The following SPATA31E1 variants were observed in gnomAD, a reference collection of about 807,000 sequenced individuals.
The protein encoded by SPATA31E1 is spermatogenesis-associated protein 31E1.
A neutral mutation model predicts 12.9 loss-of-function variants in SPATA31E1; 7 were observed. The observed-to-expected ratio is 0.54, with a 90% confidence interval of 0.31 to 1.02. SPATA31E1 has a LOEUF of 1.02. Among genes scored for constraint, SPATA31E1 ranks in the 50% least tolerant of loss-of-function variants. The pLI is 0.05. For synonymous variants in SPATA31E1, 771 were observed against 719.0 expected, an observed-to-expected ratio of 1.07 and a Z score of -1.16; for missense variants, 1,961 against 1,799.8, an observed-to-expected ratio of 1.09 and a Z score of -1.62.
Position 87,885,472 on chromosome 9 carries a change from C to A in SPATA31E1, c.985C>A (p.Arg329=). The change falls in exon 4 of 4, where the codon CGG becomes AGG. Residue 329 remains arginine, a synonymous_variant. Coordinates refer to ENST00000325643, the MANE Select transcript of SPATA31E1 (RefSeq NM_178828.5). The stretch of plus-strand genomic sequence containing the variant: ...CTACTCACATGGCAAATCCCAGCCA[C>A]GGCATCTTCCCGACCACACCTCAGA... ...STYSHGKSQP[R]HLPDHTSEAS... The A allele has an allele frequency of 1.2e-6, 2 of 1,614,014 alleles. No individual in the cohort carries two copies. The highest frequency in any genetic ancestry group is 1.7e-6 in the Non-Finnish European group (2 of 1,179,914).
Position 87,885,517 on chromosome 9 carries a change from C to T in SPATA31E1, c.1030C>T (p.Pro344Ser), listed in dbSNP as rs756300220. 4 of 1,614,154 alleles carry T rather than the reference C, an allele frequency of 2.5e-6. No individual in the cohort carries two copies. Among genetic ancestry groups the T allele is most frequent in the East Asian group, 2.2e-5 (1 of 44,862 alleles). Residue 344 changes from proline (P) to serine (S), a missense_variant, in exon 4 of 4, where the codon CCC becomes TCC. Physicochemically the swap from Pro to Ser is moderately conservative, Grantham distance 74. Transcript: ENST00000325643. The part of the protein sequence containing the change: ...HTSEASFWGD[P>S]TPKHMEVGGC... Reference sequence around the variant, plus strand: ...CTCAGAGGCTTCCTTCTGGGGAGACCCCACACCCAAGCACATGGAGGTAGG... The same window carrying T: ...CTCAGAGGCTTCCTTCTGGGGAGACTCCACACCCAAGCACATGGAGGTAGG...
chr9:87,885,820 T>C lies in SPATA31E1; in HGVS notation c.1333T>C (p.Ser445Pro), dbSNP rs752364752. 2.5e-5 allele frequency: 40 copies of C among 1,613,754 alleles called. 1 individual carries two copies. In the South Asian group the frequency reaches 3.0e-4, roughly 12 times the overall value. The stretch of plus-strand genomic sequence containing the variant: ...CAGCCAGCTTTTCTGGGACCTCCCC[T>C]CTCTCAATAGCGAGTCCCTGGCGAC... ...KRSQLFWDLP[S>P]LNSESLATTV... The change falls in exon 4 of 4, where the codon TCT becomes CCT. Residue 445 changes from serine to proline, a missense_variant. Physicochemically the swap from Ser to Pro is moderately conservative, Grantham distance 74. Transcript: ENST00000325643.
In SPATA31E1 at chr9:87,888,895, C is replaced by T; in HGVS notation, c.*70C>T. 7.1e-7 allele frequency: 1 copy of T among 1,416,808 alleles called. No homozygotes were observed. Among genetic ancestry groups the T allele is most frequent in the Non-Finnish European group, 9.3e-7 (1 of 1,069,874 alleles). The allele number at this position is 1,416,808 out of a possible 1,614,324, so 87.8% of individuals were successfully genotyped here. A position where few individuals can be genotyped will look rare whatever the true frequency, so the allele number is the denominator to read the frequency against. On this transcript the variant is annotated 3_prime_UTR_variant, in exon 4 of 4. Transcript: ENST00000325643. ...TCTACTCAAATAAAACTGATGCCTACACAATAAACCTGTCCTGCGTGGGTG... is the reference window on the plus strand; with the variant it reads ...TCTACTCAAATAAAACTGATGCCTATACAATAAACCTGTCCTGCGTGGGTG...
At position 87,888,177 on chromosome 9, in the gene SPATA31E1, G is replaced by T. The variant is rs577498872; in HGVS notation, c.3690G>T (p.Arg1230Ser). 1 of 1,613,272 alleles carries T rather than the reference G, an allele frequency of 6.2e-7. No homozygotes were observed. The change falls in exon 4 of 4, where the codon AGG (arginine) becomes AGT (serine). Residue 1230 changes from arginine to serine, a missense_variant. By Grantham distance (110) the Arg-to-Ser change is moderately radical. Coordinates refer to ENST00000325643, the MANE Select transcript of SPATA31E1 (RefSeq NM_178828.5). Reference protein sequence around the residue: ...KGPRTSEASGRSHPAQAREIG... With the variant: ...KGPRTSEASGSSHPAQAREIG... ...CCAGGACCTCTGAAGCCAGTGGGAG[G>T]AGCCACCCTGCCCAAGCCAGGGAAA...
rs561387061 is a variant in SPATA31E1 at position 87,886,207 on chromosome 9, C to G, written c.1720C>G (p.Arg574Gly). The G allele has an allele frequency of 3.5e-5, 56 of 1,613,036 alleles. No individual in the cohort carries two copies. The East Asian group carries it at 1.2e-3, about 35-fold the overall frequency. ...KEYLEWPLKKRPKWKRVLPSL... is the reference protein window; with the variant it reads ...KEYLEWPLKKGPKWKRVLPSL... ...GTATCTTGAATGGCCCTTGAAGAAGCGACCAAAGTGGAAGAGGGTTTTGCC... is the reference window on the plus strand; with the variant it reads ...GTATCTTGAATGGCCCTTGAAGAAGGGACCAAAGTGGAAGAGGGTTTTGCC... The change falls in exon 4 of 4, where the codon CGA becomes GGA. Residue 574 changes from arginine to glycine, a missense_variant. Transcript: ENST00000325643.
chr9:87,885,318 G>A lies in SPATA31E1; in HGVS notation c.831G>A (p.Gln277=). 6.2e-7 allele frequency: 1 copy of A among 1,613,812 alleles called. No homozygotes were observed. Among genetic ancestry groups the A allele is most frequent in the East Asian group, 2.2e-5 (1 of 44,840 alleles). ...GCTCCACAACATGCCCCGTCCCCCAGAGCTCCCCTCTACACAACCAGGTGC... is the reference window on the plus strand; with the variant it reads ...GCTCCACAACATGCCCCGTCCCCCAAAGCTCCCCTCTACACAACCAGGTGC... The part of the protein sequence containing the change: ...QCGSTTCPVP[Q]SSPLHNQVLP... The change falls in exon 4 of 4, where the codon CAG becomes CAA. Residue 277 remains glutamine, a synonymous_variant. Coordinates refer to ENST00000325643, the MANE Select transcript of SPATA31E1 (RefSeq NM_178828.5).
chr9:87,887,014 T>C lies in SPATA31E1; in HGVS notation c.2527T>C (p.Cys843Arg). 7 of 1,614,138 alleles carry C rather than the reference T, an allele frequency of 4.3e-6. No individual in the cohort carries two copies. The highest frequency in any genetic ancestry group is 5.9e-6 in the Non-Finnish European group (7 of 1,180,032). The part of the protein sequence containing the change: ...QILEVHLVRF[C>R]VRHSWGTDLQ... ...ACTGGAAGTACATCTTGTAAGGTTC[T>C]GTGTGAGGCACAGCTGGGGTACAGA... Residue 843 changes from cysteine (C) to arginine (R), a missense_variant, in exon 4 of 4, where the codon TGT becomes CGT. By Grantham distance (180) the Cys-to-Arg change is radical. Transcript: ENST00000325643.
Position 87,888,319 on chromosome 9 carries a change from A to T in SPATA31E1, c.3832A>T (p.Lys1278Ter). The change falls in exon 4 of 4, where the codon AAA (lysine) becomes TAA (stop). Residue 1278 changes from lysine to a stop codon, truncating the protein, a stop_gained. Coordinates refer to ENST00000325643, the MANE Select transcript of SPATA31E1 (RefSeq NM_178828.5). LOFTEE classifies it low-confidence loss of function (END_TRUNC). The part of the protein sequence containing the change: ...SHHPQGLHPR[K>*]GGTRWEDVLQ... The stretch of plus-strand genomic sequence containing the variant: ...CCATCCACAGGGTCTACACCCCAGG[A>T]AAGGAGGCACACGGTGGGAAGATGT... The T allele has an allele frequency of 6.2e-7, 1 of 1,614,170 alleles. No homozygotes were observed. Among genetic ancestry groups the T allele is most frequent in the Non-Finnish European group, 8.5e-7 (1 of 1,180,026 alleles).
chr9:87,885,982 C>G lies in SPATA31E1; in HGVS notation c.1495C>G (p.His499Asp), dbSNP rs1395208034. 4 of 1,613,236 alleles carry G rather than the reference C, an allele frequency of 2.5e-6. 1 individual carries two copies. The South Asian group carries it at 4.4e-5, about 18-fold the overall frequency. The stretch of plus-strand genomic sequence containing the variant: ...TTCCCAGGCACCGCCCCAGCCCCAC[C>G]ACATGGCCCAGCCCCAACATTTCAC... Reference protein sequence around the residue: ...QLSQAPPQPHHMAQPQHFTPA... With the variant: ...QLSQAPPQPHDMAQPQHFTPA... Residue 499 changes from histidine to aspartate, a missense_variant, in exon 4 of 4, where the codon CAC becomes GAC. Coordinates refer to ENST00000325643, the MANE Select transcript of SPATA31E1 (RefSeq NM_178828.5).
rs772843926 is a variant in SPATA31E1, at chr9:87,887,613, C to T, written c.3126C>T (p.Pro1042=). 3.7e-6 allele frequency: 6 copies of T among 1,614,000 alleles called. No individual in the cohort carries two copies. In the African/African-American group the frequency reaches 8.0e-5, roughly 22 times the overall value. ...ALQALKVGEK[P]PTWEVTLGAS... is the part of the protein sequence containing the mutation. ...AGGCACTGAAAGTGGGGGAGAAGCC[C>T]CCAACTTGGGAAGTCACCTTGGGAG... Residue 1042 remains proline, a synonymous_variant, in exon 4 of 4, where the codon CCC becomes CCT. Transcript: ENST00000325643.
chr9:87,888,002 G>A lies in SPATA31E1; in HGVS notation c.3515G>A (p.Trp1172Ter). The change falls in exon 4 of 4, where the codon TGG (tryptophan) becomes TAG (stop). Residue 1172 changes from tryptophan (W) to a stop codon, truncating the protein, a stop_gained. Transcript: ENST00000325643. LOFTEE classifies it low-confidence loss of function (END_TRUNC). ...TCCCAGGGGCCATGTGCCCTCCTAT[G>A]GAAGGGAGGGGACAGTCCAGGGCAG... ...TASQGPCALL[W>*]KGGDSPGQQE... The A allele has an allele frequency of 6.2e-7, 1 of 1,613,422 alleles. No individual in the cohort carries two copies.
rs1234166279 is a variant in SPATA31E1, at chr9:87,886,520, C to T, written c.2033C>T (p.Ser678Phe). The T allele has an allele frequency of 6.2e-7, 1 of 1,613,970 alleles. No homozygotes were observed. The highest frequency in any genetic ancestry group is 1.7e-5 in the Admixed American group (1 of 60,006). The change falls in exon 4 of 4, where the codon TCC becomes TTC. Residue 678 changes from serine to phenylalanine, a missense_variant. Transcript: ENST00000325643. ...GACACGCAGCAGGCCCTCTTGCCCT[C>T]CCAGCCTTCTGACTTTGCAGGGAAG... ...AEDTQQALLPSQPSDFAGKGR... is the reference protein window; with the variant it reads ...AEDTQQALLPFQPSDFAGKGR...
At chr9:87,884,676 C>T in intron 3 of SPATA31E1, 25 bp downstream of exon 3, 1 of 1,613,930 alleles carries the variant, frequency 6.2e-7, no homozygotes, top group Non-Finnish European at 8.5e-7. Context: ...CCTTCTGTCC[C>T]TGTCCTCCTT....
rs35487931 is a variant in SPATA31E1 at position 87,886,550 on chromosome 9, G to C, written c.2063G>C (p.Arg688Thr). Reference protein sequence around the residue: ...SQPSDFAGKGRKDVQKTGFRS... With the variant: ...SQPSDFAGKGTKDVQKTGFRS... Reference sequence around the variant, plus strand: ...CCTTCTGACTTTGCAGGGAAGGGCAGGAAGGATGTGCAGAAGACCGGGTTC... The same window carrying C: ...CCTTCTGACTTTGCAGGGAAGGGCACGAAGGATGTGCAGAAGACCGGGTTC... The change falls in exon 4 of 4, where the codon AGG becomes ACG. Residue 688 changes from arginine (R) to threonine (T), a missense_variant. Coordinates refer to ENST00000325643, the MANE Select transcript of SPATA31E1 (RefSeq NM_178828.5). The C allele has an allele frequency of 3.7e-6, 6 of 1,613,948 alleles. No individual in the cohort carries two copies. In the South Asian group the frequency reaches 6.6e-5, roughly 18 times the overall value.
At chr9:87,883,350 T>G (rs1587566402) in intron 1 of SPATA31E1, 150 bp downstream of exon 1, 1 of 1,274,788 alleles carries the variant, frequency 7.8e-7, no homozygotes, top group African/African-American at 1.5e-5. Flanking sequence ...GGGGTGAGAG[T>G]GGGCAGAGGA....
Position 87,886,077 on chromosome 9 carries a change from T to C in SPATA31E1, c.1590T>C (p.Pro530=). ...AGACCCAGGCCCACCTCTCACCCCC[T>C]GTCCCAAGCCTGGGGTGCTCTTCTC... ...EIQTQAHLSP[P]VPSLGCSSPP... Residue 530 remains proline, a synonymous_variant, in exon 4 of 4, where the codon CCT becomes CCC. Transcript: ENST00000325643. 3.1e-6 allele frequency: 5 copies of C among 1,609,290 alleles called. No homozygotes were observed. The highest frequency in any genetic ancestry group is 4.2e-6 in the Non-Finnish European group (5 of 1,176,876).
rs780484019 is a variant in SPATA31E1 at position 87,885,794 on chromosome 9, G to A, written c.1307G>A (p.Arg436His). ...GTGGGGAACCACTTACAGCAGAAACGCAGCCAGCTTTTCTGGGACCTCCCC... is the reference window on the plus strand; with the variant it reads ...GTGGGGAACCACTTACAGCAGAAACACAGCCAGCTTTTCTGGGACCTCCCC... ...TTVGNHLQQK[R>H]SQLFWDLPSL... Residue 436 changes from arginine to histidine, a missense_variant, in exon 4 of 4, where the codon CGC becomes CAC. Physicochemically the swap from Arg to His is conservative, Grantham distance 29. Transcript: ENST00000325643. 4.8e-5 allele frequency: 77 copies of A among 1,613,886 alleles called. 1 individual carries two copies. In the Middle Eastern group the frequency reaches 6.6e-4, roughly 14 times the overall value.
chr9:87,884,192 GC>G, intron 2 of SPATA31E1, 146 bp downstream of exon 2: 1 of 1,101,640 alleles, frequency 9.1e-7, no homozygotes, highest in Non-Finnish European at 1.3e-6. Flanking sequence ...CGGGAATGAA[GC>G]CACGGGCCTG....
In SPATA31E1 at chr9:87,886,226, T is replaced by TCGC; in HGVS notation, c.1739_1740insCGC (p.Val580_Leu581insAla). The TCGC allele has an allele frequency of 6.2e-7, 1 of 1,613,396 alleles. No individual in the cohort carries two copies. Among genetic ancestry groups the TCGC allele is most frequent in the Middle Eastern group, 1.7e-4 (1 of 6,050 alleles). On this transcript the variant is annotated inframe_insertion, in exon 4 of 4. Transcript: ENST00000325643. ...AAGAAGCGACCAAAGTGGAAGAGGG[T>TCGC]TTTGCCCTCTCTCCTCAAAAAGTCT...
Sources: allele counts gnomAD v4.1 joint callset, GRCh38; gene constraint gnomAD v4.1.1; transcripts MANE v1.5; gene names NCBI Gene and HGNC (gene_info 2026-07-23, HGNC 2026-07-21).